Variants in FNDC3B observed in about 807,000 individuals in gnomAD.
The protein encoded by FNDC3B is fibronectin type III domain-containing protein 3B.
In FNDC3B, 12 loss-of-function variants were observed where a neutral mutation model predicts 151.5. The observed-to-expected ratio is 0.08, with a 90% CI of 0.05 to 0.13. FNDC3B has a LOEUF of 0.13. FNDC3B is among the 10% of genes least tolerant of loss of function. The probability of loss-of-function intolerance (pLI) is 1.00; values close to 1 mark genes in which losing one functional copy is unlikely to be tolerated. For synonymous variants in FNDC3B, 528 were observed against 549.0 expected (o/e 0.96, Z 0.54); for missense variants, 1,214 against 1,505.3 (o/e 0.81, Z 3.20).
At chr3:172,327,202 GC>G (rs1280480791) in intron 11 of FNDC3B, among the ~76,000 whole-genome samples, 6 of 152,160 alleles carry the variant, frequency 3.9e-5, no homozygotes, top group Non-Finnish European at 8.8e-5. Flanking sequence ...GAAATGTCAG[GC>G]TTTACTTGCT....
intron 22 of FNDC3B, among the ~76,000 whole-genome samples, chr3:172,359,707 C>CT (rs1734274452): frequency 6.6e-6 from 1 of 151,934 alleles, no homozygotes; most frequent in South Asian, 2.1e-4. Flanking sequence ...CTATTAATAC[C>CT]ATAAAGCAAT....
At chr3:172,283,169 T>G (rs1406390550) in intron 6 of FNDC3B, among the ~76,000 whole-genome samples, 1 of 152,236 alleles carries the variant, frequency 6.6e-6, no homozygotes, top group Non-Finnish European at 1.5e-5. Context: ...TGTTTTTATC[T>G]CAGGAGGACC....
rs768353364 is a variant in FNDC3B, at chr3:172,362,808, A to G, written c.2971A>G (p.Ile991Val). 2.5e-6 allele frequency: 4 copies of G among 1,613,862 alleles called. No homozygotes were observed. The highest frequency in any genetic ancestry group is 2.5e-6 in the Non-Finnish European group (3 of 1,179,966). Reference sequence around the variant, plus strand: ...CTCCAAGACACATGCTGCTGAGGACATTGTGTACACACTACAGCTGGAGGA... The same window carrying G: ...CTCCAAGACACATGCTGCTGAGGACGTTGTGTACACACTACAGCTGGAGGA... ...SNSKTHAAED[I>V]VYTLQLEDRN... Residue 991 changes from isoleucine (I) to valine (V), a missense_variant, in exon 23 of 26, where the codon ATT (isoleucine) becomes GTT (valine). By Grantham distance (29) the Ile-to-Val change is conservative. Transcript: ENST00000415807.
chr3:172,392,810 C>CTTTTTTTTTTTTTTTTTTTTTTTTT (rs1167627679), intron 25 of FNDC3B, among the ~76,000 whole-genome samples: 4 of 99,874 alleles, frequency 4.0e-5, no homozygotes, highest in Non-Finnish European at 3.7e-5. Context: ...TTTTTTTTTT[C>CTTTTTTTTTTTTTTTTTTTTTTTTT]TTTTTTTTTT....
chr3:172,139,500 A>G (rs544254565), intron 3 of FNDC3B, among the ~76,000 whole-genome samples: 1 of 152,336 alleles, frequency 6.6e-6, no homozygotes, highest in African/African-American at 2.4e-5. Flanking sequence ...CAAAGATTGT[A>G]GTGAATCTCT....
intron 1 of FNDC3B, among the ~76,000 whole-genome samples, chr3:172,061,413 T>C (rs1717193013): frequency 6.6e-6 from 1 of 151,966 alleles, no homozygotes; most frequent in African/African-American, 2.4e-5. Context: ...TTTTTATGTT[T>C]AGTAGAGACA....
chr3:172,285,896 G>A (rs891096947), intron 6 of FNDC3B, 30 bp from the exon 7 acceptor site: 10 of 1,589,070 alleles, frequency 6.3e-6, no homozygotes, highest in Non-Finnish European at 6.9e-6. Flanking sequence ...TAATGGTATT[G>A]TTTTTCCTTT....
intron 11 of FNDC3B, among the ~76,000 whole-genome samples, chr3:172,320,674 A>G (rs1732037704): frequency 6.6e-6 from 1 of 152,232 alleles, no homozygotes; most frequent in Non-Finnish European, 1.5e-5. Flanking sequence ...GTGCCAGGGT[A>G]ATTAGAAATG....
intron 6 of FNDC3B, among the ~76,000 whole-genome samples, chr3:172,269,808 C>A (rs1176971567): frequency 6.6e-6 from 1 of 152,114 alleles, no homozygotes; most frequent in African/African-American, 2.4e-5. Context: ...CCATGCCTGG[C>A]TAATTTTTTT....
chr3:172,240,222 C>T (rs936441171), intron 4 of FNDC3B, among the ~76,000 whole-genome samples: 2 of 152,092 alleles, frequency 1.3e-5, no homozygotes, highest in African/African-American at 4.8e-5. Context: ...AGTTCCGTGT[C>T]CTTGAGTGTA....
chr3:172,198,942 T>A (rs1447776380), intron 3 of FNDC3B, among the ~76,000 whole-genome samples: 1 of 151,856 alleles, frequency 6.6e-6, no homozygotes, highest in Non-Finnish European at 1.5e-5. Flanking sequence ...TTCTCTTGCC[T>A]CAGCCTCCCG....
chr3:172,236,471 T>G (rs367755834), intron 4 of FNDC3B, among the ~76,000 whole-genome samples: 139 of 152,358 alleles, frequency 9.1e-4, no homozygotes, highest in Middle Eastern at 3.4e-3. Context: ...AAGTGTTTTA[T>G]AAACTATTAA....
At chr3:172,192,306 G>A (rs1724560584) in intron 3 of FNDC3B, among the ~76,000 whole-genome samples, 2 of 151,602 alleles carry the variant, frequency 1.3e-5, no homozygotes, top group Non-Finnish European at 2.9e-5. Context: ...CTGAGTAGCT[G>A]GGACCACAGG....
At chr3:172,385,178 G>T (rs1255853154) in intron 25 of FNDC3B, among the ~76,000 whole-genome samples, 2 of 151,922 alleles carry the variant, frequency 1.3e-5, no homozygotes, top group Non-Finnish European at 2.9e-5. Flanking sequence ...ACATATTTAT[G>T]TGTGCAGAAC....
intron 25 of FNDC3B, among the ~76,000 whole-genome samples, chr3:172,382,093 T>C (rs573801305): frequency 3.3e-5 from 5 of 152,322 alleles, no homozygotes; most frequent in Admixed American, 3.3e-4. Flanking sequence ...ACCAACGGTG[T>C]AAAAGTGTTC....
intron 2 of FNDC3B, among the ~76,000 whole-genome samples, chr3:172,119,799 G>A (rs902024967): frequency 6.6e-5 from 10 of 152,094 alleles, no homozygotes; most frequent in Admixed American, 5.2e-4. Flanking sequence ...AGGTCCACCC[G>A]TCCGCTTGAT....
chr3:172,346,839 G>A (rs1442157592), intron 20 of FNDC3B, among the ~76,000 whole-genome samples: 1 of 151,988 alleles, frequency 6.6e-6, no homozygotes, highest in Admixed American at 6.6e-5. Flanking sequence ...GAGTAGCTGG[G>A]ATTACAGGTG....
At position 172,113,160 on chromosome 3, in the gene FNDC3B, C is replaced by G. The variant is rs112879181; in HGVS notation, c.111+570C>G. On this transcript the variant is annotated intron_variant, in intron 2 of 25. Coordinates refer to ENST00000415807, the MANE Select transcript of FNDC3B (RefSeq NM_022763.4). ...GAAACAATTTAGACAGTAAGTGAAA[C>G]TTTAACAAATTATTAGGGATTGAAC... is the stretch of plus-strand genomic sequence containing the variant. Among the ~76,000 whole-genome samples, 101 of 152,278 alleles carry G rather than the reference C, an allele frequency of 6.6e-4. 1 individual carries two copies. Among genetic ancestry groups the G allele is most frequent in the African/African-American group, 2.4e-3 (98 of 41,568 alleles).
intron 2 of FNDC3B, among the ~76,000 whole-genome samples, chr3:172,129,867 G>C (rs1720982485): frequency 6.6e-6 from 1 of 152,088 alleles, no homozygotes; most frequent in African/African-American, 2.4e-5. Flanking sequence ...GCTGACTTTG[G>C]AAAAGTAGGA....
Sources: gnomAD v4.1 joint callset for allele counts (sites outside exome capture counted in the v4.1 genomes callset) on GRCh38, gnomAD v4.1.1 for gene constraint, MANE v1.5 for transcripts, NCBI Gene and HGNC (gene_info 2026-07-23, HGNC 2026-07-21) for gene names.